NFIA: variants seen among roughly 807,000 people sequenced by gnomAD.
NFIA encodes the protein nuclear factor 1 A-type.
Under a neutral mutation model 62.8 loss-of-function variants are expected in NFIA, and 8 were observed. The observed-to-expected ratio is 0.13, with a 90% confidence interval of 0.07 to 0.23. The LOEUF (loss-of-function observed/expected upper bound fraction) is 0.23. NFIA is among the 10% of genes least tolerant of loss of function. The probability of loss-of-function intolerance (pLI) is 1.00; values close to 1 mark genes in which losing one functional copy is unlikely to be tolerated. For missense variants in NFIA, 410 were observed against 642.1 expected, an observed-to-expected ratio of 0.64 and a Z score of 3.91; for synonymous variants, 235 against 238.1, an observed-to-expected ratio of 0.99 and a Z score of 0.12.
intron 6 of NFIA, among the ~76,000 whole-genome samples, chr1:61,363,379 C>T (rs917424984): frequency 3.9e-5 from 6 of 151,962 alleles, no homozygotes; most frequent in Non-Finnish European, 7.4e-5. Flanking sequence ...CCGAGGTGGA[C>T]GGATCACCTG....
At chr1:61,255,571 G>C (rs907499003) in intron 2 of NFIA, among the ~76,000 whole-genome samples, 2 of 152,112 alleles carry the variant, frequency 1.3e-5, no homozygotes, top group African/African-American at 4.8e-5. Flanking sequence ...TATTGTGATG[G>C]GTAAACTGTT....
chr1:61,218,458 A>G (rs1212395758), intron 2 of NFIA, among the ~76,000 whole-genome samples: 2 of 152,222 alleles, frequency 1.3e-5, no homozygotes, highest in African/African-American at 2.4e-5. Flanking sequence ...AGTTCCTCAC[A>G]GTCAGTCCTT....
Position 61,455,384 on chromosome 1 carries a change from G to C in NFIA, c.*64G>C. ...GACCCCTTCTCAACTCTGTAACATG[G>C]ACGCAACCTCAACCCAGCGCAGTTA... On this transcript the variant is annotated 3_prime_UTR_variant, in exon 11 of 11. Transcript: ENST00000403491. The C allele has an allele frequency of 6.2e-7, 1 of 1,613,644 alleles. No homozygotes were observed. The highest frequency in any genetic ancestry group is 8.5e-7 in the Non-Finnish European group (1 of 1,179,844).
At chr1:61,418,160 A>G (rs545800948) in intron 9 of NFIA, among the ~76,000 whole-genome samples, 2 of 152,324 alleles carry the variant, frequency 1.3e-5, no homozygotes, top group African/African-American at 4.8e-5. Flanking sequence ...ACTGGAAGTT[A>G]TTTAAAAATC....
intron 6 of NFIA, 76 bp downstream of exon 6, chr1:61,359,350 TA>T: frequency 6.3e-7 from 1 of 1,597,664 alleles, no homozygotes; most frequent in African/African-American, 1.3e-5. Flanking sequence ...ATGCCACGCA[TA>T]AAAGTGAAGA....
intron 3 of NFIA, among the ~76,000 whole-genome samples, chr1:61,306,946 T>C (rs1659836965): frequency 6.6e-6 from 1 of 152,228 alleles, no homozygotes; most frequent in Non-Finnish European, 1.5e-5. Flanking sequence ...ACTTTTCTTT[T>C]CTAATTCACC....
chr1:61,133,259 G>C (rs1486481402), intron 2 of NFIA, among the ~76,000 whole-genome samples: 2 of 151,348 alleles, frequency 1.3e-5, no homozygotes, highest in East Asian at 3.9e-4. Context: ...AGGGAGGCGG[G>C]AGTGGCTGGA....
chr1:61,101,493 C>A (rs149828231), intron 2 of NFIA, among the ~76,000 whole-genome samples: 3 of 151,574 alleles, frequency 2.0e-5, no homozygotes, highest in East Asian at 3.9e-4. Flanking sequence ...TAAAGGGCAT[C>A]CTTCTAGTAA....
At chr1:61,184,025 C>CT (rs1650941322) in intron 2 of NFIA, among the ~76,000 whole-genome samples, 1 of 148,252 alleles carries the variant, frequency 6.7e-6, no homozygotes, top group South Asian at 2.1e-4. Context: ...TTGACAGTGC[C>CT]TGAGTGTATG....
intron 2 of NFIA, among the ~76,000 whole-genome samples, chr1:61,220,613 G>T (rs1453779465): frequency 6.6e-6 from 1 of 152,296 alleles, no homozygotes; most frequent in East Asian, 1.9e-4. Flanking sequence ...AATTATAAGA[G>T]AAATTGTAAC....
chr1:61,112,463 A>G (rs2100455329), intron 2 of NFIA, among the ~76,000 whole-genome samples: 1 of 152,322 alleles, frequency 6.6e-6, no homozygotes, highest in East Asian at 1.9e-4. Context: ...ATTTGCACAC[A>G]TAAGAGTTTT....
intron 2 of NFIA, among the ~76,000 whole-genome samples, chr1:61,113,918 T>C (rs1326533775): frequency 1.3e-5 from 2 of 152,130 alleles, no homozygotes; most frequent in Non-Finnish European, 2.9e-5. Context: ...GTAAGAATCA[T>C]GTAGGGTTTT....
At chr1:61,080,070 A>G (rs1266705778), upstream of NFIA, among the ~76,000 whole-genome samples, 1 of 152,114 alleles carries the variant, frequency 6.6e-6, no homozygotes, top group Non-Finnish European at 1.5e-5. Context: ...AGAAAGCAGG[A>G]GCGGATGTGA....
chr1:61,099,305 T>A (rs1646469899), intron 2 of NFIA, among the ~76,000 whole-genome samples: 1 of 152,150 alleles, frequency 6.6e-6, no homozygotes, highest in Non-Finnish European at 1.5e-5. Flanking sequence ...ACATTAGAAT[T>A]GGAGGGAAAC....
intron 2 of NFIA, among the ~76,000 whole-genome samples, chr1:61,257,954 T>G (rs541451650): frequency 6.6e-6 from 1 of 151,392 alleles, no homozygotes; most frequent in East Asian, 1.9e-4. Flanking sequence ...GCTCTCATCT[T>G]GGCCTCCTAA....
At position 61,264,606 on chromosome 1, in the gene NFIA, G is replaced by A. The variant is rs1238888583; in HGVS notation, c.560-12914G>A. 7.9e-5 allele frequency among the ~76,000 whole-genome samples: 10 copies of A among 126,964 alleles called. No homozygotes were observed. In the East Asian group the frequency reaches 1.1e-3, roughly 15 times the overall value. 83.3% of individuals were successfully genotyped at this position (126,964 alleles called of 152,430 possible). A position where few individuals can be genotyped will look rare whatever the true frequency, so the allele number is the denominator to read the frequency against. ...GCGAAGGTTGCAGTGAGCCGAGATC[G>A]CACCATTGCACTCCAGCCTGGGCGA... is the stretch of plus-strand genomic sequence containing the variant. On this transcript the variant is annotated intron_variant, in intron 2 of 10. Transcript: ENST00000403491.
chr1:61,114,858 T>C (rs564845874), intron 2 of NFIA, among the ~76,000 whole-genome samples: 19 of 152,342 alleles, frequency 1.2e-4, no homozygotes, highest in African/African-American at 4.6e-4. Flanking sequence ...TTGGGTATTT[T>C]AATATAATCA....
chr1:61,169,685 A>G (rs770159562), intron 2 of NFIA, among the ~76,000 whole-genome samples: 3 of 152,152 alleles, frequency 2.0e-5, no homozygotes, highest in Non-Finnish European at 4.4e-5. Flanking sequence ...GGGAAAGCGA[A>G]CGGTTTAAAA....
intron 2 of NFIA, among the ~76,000 whole-genome samples, chr1:61,156,430 C>T (rs895611640): frequency 3.9e-5 from 6 of 152,136 alleles, no homozygotes; most frequent in Admixed American, 6.5e-5. Context: ...GTGGCAAAGG[C>T]ACCAGGGCAG....
Sources: gnomAD v4.1 joint callset for allele counts (sites outside exome capture counted in the v4.1 genomes callset) on GRCh38, gnomAD v4.1.1 for gene constraint, MANE v1.5 for transcripts, NCBI Gene and HGNC (gene_info 2026-07-23, HGNC 2026-07-21) for gene names.